The following LOC400499 variants were observed in gnomAD, a reference collection of about 807,000 sequenced individuals.
At chr16:11,389,656 G>T in the LOC400499 span, among the ~76,000 whole-genome samples, 2 of 121,206 alleles carry the variant, frequency 1.7e-5, no homozygotes, top group Non-Finnish European at 1.6e-5. Flanking sequence ...CTGTACTCTA[G>T]CCTGGGCAAC....
At chr16:11,383,064 C>G in the LOC400499 span, among the ~76,000 whole-genome samples, 1 of 144,526 alleles carries the variant, frequency 6.9e-6, no homozygotes, top group African/African-American at 2.7e-5. Flanking sequence ...AGAGGAGGTG[C>G]CAGGGTCTTT....
At chr16:11,426,911 A>AAG in the LOC400499 span, among the ~76,000 whole-genome samples, 43 of 146,368 alleles carry the variant, frequency 2.9e-4, 1 homozygote, top group Non-Finnish European at 5.9e-4. Flanking sequence ...AAAAAAAAAA[A>AAG]AGGCATAAAA....
At chr16:11,382,376 G>A in the LOC400499 span, among the ~76,000 whole-genome samples, 1 of 151,922 alleles carries the variant, frequency 6.6e-6, no homozygotes, top group Non-Finnish European at 1.5e-5. Flanking sequence ...GCTCTTGGAA[G>A]CCTACTCCTG....
the LOC400499 span, among the ~76,000 whole-genome samples, chr16:11,389,316 C>T: frequency 6.6e-6 from 1 of 152,320 alleles, no homozygotes; most frequent in East Asian, 1.9e-4. Context: ...AAATGGTGAC[C>T]AGTGGGCCCC....
chr16:11,460,884 C>T, the LOC400499 span: 1 of 1,437,790 alleles, frequency 7.0e-7, no homozygotes, highest in Non-Finnish European at 9.1e-7. Flanking sequence ...CGTATCTCAG[C>T]TCACGGAGCC....
At chr16:11,387,096 C>T in the LOC400499 span, 50 of 1,232,238 alleles carry the variant, frequency 4.1e-5, no homozygotes, top group Admixed American at 1.3e-4. Flanking sequence ...CGGCACAGCC[C>T]GGGGCAGGAC....
the LOC400499 span, among the ~76,000 whole-genome samples, chr16:11,466,745 C>T: frequency 3.3e-5 from 5 of 152,096 alleles, no homozygotes; most frequent in Admixed American, 6.5e-5. Flanking sequence ...AGAGTCAGTT[C>T]TATACCCTTT....
At chr16:11,392,357 GC>G in the LOC400499 span, 1 of 399,024 alleles carries the variant, frequency 2.5e-6, no homozygotes, top group African/African-American at 2.1e-5. Flanking sequence ...GCCGCGCGCG[GC>G]CAGCAGGAGA....
chr16:11,501,596 G>T, the LOC400499 span, among the ~76,000 whole-genome samples: 6 of 152,004 alleles, frequency 3.9e-5, no homozygotes, highest in African/African-American at 1.5e-4. Flanking sequence ...GAGCATAGCC[G>T]TAAGCTGACT....
At chr16:11,481,198 G>A in the LOC400499 span, among the ~76,000 whole-genome samples, 112 of 152,366 alleles carry the variant, frequency 7.4e-4, no homozygotes, top group African/African-American at 2.5e-3. Context: ...AGGCTAGGAG[G>A]AGGGGCTGCT....
the LOC400499 span, among the ~76,000 whole-genome samples, chr16:11,394,150 A>G: frequency 6.6e-6 from 1 of 152,140 alleles, no homozygotes; most frequent in Non-Finnish European, 1.5e-5. Flanking sequence ...CCGAGTTTGC[A>G]TGGGAACCAC....
the LOC400499 span, among the ~76,000 whole-genome samples, chr16:11,411,747 G>A: frequency 6.6e-6 from 1 of 152,222 alleles, no homozygotes; most frequent in Middle Eastern, 3.4e-3. Flanking sequence ...GGTCTGGACA[G>A]CAGGATTTTA....
chr16:11,387,017 C>T, the LOC400499 span: 5 of 989,000 alleles, frequency 5.1e-6, no homozygotes, highest in Non-Finnish European at 6.5e-6. Context: ...CTGGGCCTGG[C>T]ACTGTGATGC....
chr16:11,416,495 G>C, the LOC400499 span, among the ~76,000 whole-genome samples: 1 of 152,102 alleles, frequency 6.6e-6, no homozygotes, highest in Non-Finnish European at 1.5e-5. Flanking sequence ...TCATAGGCTC[G>C]TTCATGCACC....
chr16:11,372,774 G>A, the LOC400499 span: 1 of 972,602 alleles, frequency 1.0e-6, no homozygotes, highest in Non-Finnish European at 1.2e-6. Context: ...CCAGGCTATG[G>A]GCCCCTGAGG....
chr16:11,442,197 T>C, the LOC400499 span: 1 of 152,214 alleles, frequency 6.6e-6, no homozygotes, highest in African/African-American at 2.4e-5. Context: ...ATGTATGTCA[T>C]TAAACAGCTT....
At chr16:11,397,502 T>C in the LOC400499 span, among the ~76,000 whole-genome samples, 1 of 152,122 alleles carries the variant, frequency 6.6e-6, no homozygotes, top group Non-Finnish European at 1.5e-5. Flanking sequence ...CTCGATCTCC[T>C]GACCTCGTGA....
the LOC400499 span, among the ~76,000 whole-genome samples, chr16:11,387,963 G>A: frequency 2.0e-5 from 3 of 152,128 alleles, no homozygotes; most frequent in Non-Finnish European, 4.4e-5. Flanking sequence ...GGGAGGACTG[G>A]AACTTTCTCA....
At chr16:11,416,113 G>C in the LOC400499 span, among the ~76,000 whole-genome samples, 16,033 of 151,790 alleles carry the variant, frequency 0.11, 853 homozygotes, top group Middle Eastern at 0.19. Flanking sequence ...GCACCACCAT[G>C]CTCAGCTAAT....
Sources: gnomAD v4.1 joint callset for allele counts (sites outside exome capture counted in the v4.1 genomes callset) on GRCh38, gnomAD v4.1.1 for gene constraint, MANE v1.5 for transcripts.